The following ARHGAP24 variants were observed in gnomAD, a reference collection of about 807,000 sequenced individuals.
The protein encoded by ARHGAP24 is Rho GTPase activating protein 24.
Under a neutral mutation model 76.4 loss-of-function variants are expected in ARHGAP24, and 50 were observed. The observed-to-expected ratio is 0.65, with a 90% CI of 0.52 to 0.83. ARHGAP24 has a LOEUF of 0.83. Among genes scored for constraint, ARHGAP24 ranks in the 40% least tolerant of loss-of-function variants. ARHGAP24 has a pLI of 0.00. For synonymous variants in ARHGAP24, 345 were observed against 323.3 expected (o/e 1.07, Z -0.72); for missense variants, 930 against 914.2 (o/e 1.02, Z -0.22).
At chr4:85,767,570 A>G (rs779548861) in intron 3 of ARHGAP24, among the ~76,000 whole-genome samples, 11 of 152,204 alleles carry the variant, frequency 7.2e-5, no homozygotes, top group Non-Finnish European at 1.5e-4. Context: ...AGCAACAACA[A>G]AAGCAAACTG....
chr4:85,682,997 G>A, intron 2 of ARHGAP24, among the ~76,000 whole-genome samples: 1 of 151,138 alleles, frequency 6.6e-6, no homozygotes, highest in Non-Finnish European at 1.5e-5. Context: ...AATAAATGAG[G>A]GAAAATTATA....
intron 1 of ARHGAP24, among the ~76,000 whole-genome samples, chr4:85,513,466 A>G (rs1333631853): frequency 2.6e-5 from 4 of 152,180 alleles, no homozygotes; most frequent in Admixed American, 1.3e-4. Context: ...AAAATGGGAC[A>G]TCTAGGAAGA....
At chr4:85,718,831 AGG>A (rs1724826381) in intron 2 of ARHGAP24, among the ~76,000 whole-genome samples, 1 of 152,210 alleles carries the variant, frequency 6.6e-6, no homozygotes, top group African/African-American at 2.4e-5. Flanking sequence ...ATATACAAAA[AGG>A]ACAACAAAGG....
chr4:85,690,336 G>A (rs1301237791), intron 2 of ARHGAP24, among the ~76,000 whole-genome samples: 1 of 152,166 alleles, frequency 6.6e-6, no homozygotes, highest in African/African-American at 2.4e-5. Context: ...AATGAGTTAG[G>A]GAGGAGTCCC....
At chr4:85,657,898 G>C (rs1722232812) in intron 2 of ARHGAP24, among the ~76,000 whole-genome samples, 1 of 152,146 alleles carries the variant, frequency 6.6e-6, no homozygotes, top group Non-Finnish European at 1.5e-5. Flanking sequence ...GGGGCCACAG[G>C]TGCGTGCCAC....
intron 3 of ARHGAP24, among the ~76,000 whole-genome samples, chr4:85,769,291 A>G (rs575960918): frequency 1.3e-5 from 2 of 152,328 alleles, no homozygotes; most frequent in South Asian, 4.1e-4. Flanking sequence ...TCATTTTGCC[A>G]AGCATCTTGA....
At chr4:85,496,393 C>T (rs1393345650) in intron 1 of ARHGAP24, among the ~76,000 whole-genome samples, 1 of 152,238 alleles carries the variant, frequency 6.6e-6, no homozygotes, top group Non-Finnish European at 1.5e-5. Flanking sequence ...ATCACAGTTA[C>T]TGTGAATATG....
intron 4 of ARHGAP24, among the ~76,000 whole-genome samples, chr4:85,940,638 A>C (rs561027895): frequency 6.6e-6 from 1 of 152,132 alleles, no homozygotes; most frequent in Non-Finnish European, 1.5e-5. Context: ...TCAAGGATCT[A>C]CTTGTTCTAA....
At chr4:85,749,586 T>G (rs1726181304) in intron 3 of ARHGAP24, among the ~76,000 whole-genome samples, 1 of 152,180 alleles carries the variant, frequency 6.6e-6, no homozygotes, top group Non-Finnish European at 1.5e-5. Flanking sequence ...TGTTTTGTTT[T>G]TTGAGATGGA....
chr4:85,722,793 G>T (rs139491915), intron 3 of ARHGAP24, among the ~76,000 whole-genome samples: 8 of 152,316 alleles, frequency 5.3e-5, no homozygotes, highest in Non-Finnish European at 1.2e-4. Flanking sequence ...TTTGATCACA[G>T]TCTAGGGTGG....
At chr4:85,984,069 T>G (rs1379463949) in intron 8 of ARHGAP24, among the ~76,000 whole-genome samples, 1 of 152,206 alleles carries the variant, frequency 6.6e-6, no homozygotes, top group African/African-American at 2.4e-5. Context: ...TAGTTGCAGA[T>G]TTGAACCACT....
chr4:85,848,455 T>C (rs1019801516), intron 3 of ARHGAP24, among the ~76,000 whole-genome samples: 10 of 152,194 alleles, frequency 6.6e-5, no homozygotes, highest in Admixed American at 5.9e-4. Context: ...GTCCTTGCAA[T>C]AGTTTGCTCA....
intron 4 of ARHGAP24, among the ~76,000 whole-genome samples, chr4:85,940,565 G>A (rs62305516): frequency 0.075 from 11,436 of 152,148 alleles, 546 homozygotes; most frequent in East Asian, 0.19. Flanking sequence ...CAATGGAAAT[G>A]TCAAGGGAGA....
intron 2 of ARHGAP24, among the ~76,000 whole-genome samples, chr4:85,681,377 C>T (rs904489453): frequency 2.6e-5 from 4 of 152,142 alleles, no homozygotes; most frequent in East Asian, 1.9e-4. Flanking sequence ...AGAAGCACCA[C>T]GAGCCTAACC....
intron 3 of ARHGAP24, among the ~76,000 whole-genome samples, chr4:85,831,846 G>A (rs886767419): frequency 1.3e-5 from 2 of 150,800 alleles, no homozygotes; most frequent in African/African-American, 2.4e-5. Flanking sequence ...AGGCTGCAGT[G>A]AGCTGACATC....
At chr4:85,497,368 TA>T (rs1395522749) in intron 1 of ARHGAP24, among the ~76,000 whole-genome samples, 2 of 152,238 alleles carry the variant, frequency 1.3e-5, no homozygotes, top group African/African-American at 4.8e-5. Context: ...TAGAAAATAA[TA>T]CTTATTTCTC....
chr4:85,771,785 C>T (rs368811293), intron 3 of ARHGAP24, among the ~76,000 whole-genome samples: 25 of 152,328 alleles, frequency 1.6e-4, no homozygotes, highest in African/African-American at 5.3e-4. Context: ...TCCCAGCTTA[C>T]TGCAACCTCT....
rs1307449101 is a variant in ARHGAP24 at position 85,475,541 on chromosome 4, G to C, written c.-39G>C. ...GGAGCAGCAGCCCTGTCCGGCATCT[G>C]TCTTGAGCTCCCAGCAAGGTAGGTG... On this transcript the variant is annotated 5_prime_UTR_variant, in exon 1 of 10. Transcript: ENST00000395184. 7 of 152,326 alleles carry C rather than the reference G, an allele frequency of 4.6e-5. No individual in the cohort carries two copies. Among genetic ancestry groups the C allele is most frequent in the Non-Finnish European group, 8.8e-5 (6 of 67,986 alleles). The allele number at this position is 152,326 out of a possible 1,614,324, so 9.4% of individuals were successfully genotyped here.
At chr4:85,564,797 A>C (rs886233012) in intron 1 of ARHGAP24, among the ~76,000 whole-genome samples, 9 of 150,686 alleles carry the variant, frequency 6.0e-5, no homozygotes, top group African/African-American at 2.0e-4. Flanking sequence ...GATGAGGCTC[A>C]GGCAATAATG....
Sources: gnomAD v4.1 joint callset for allele counts (sites outside exome capture counted in the v4.1 genomes callset) on GRCh38, gnomAD v4.1.1 for gene constraint, MANE v1.5 for transcripts, NCBI Gene and HGNC (gene_info 2026-07-23, HGNC 2026-07-21) for gene names.